Variants in RGPD6 observed in about 807,000 individuals in gnomAD.
The protein encoded by RGPD6 is RANBP2-like and GRIP domain-containing protein 5/6.
chr2:110,593,056 C>A, the RGPD6 span, among the ~76,000 whole-genome samples: 2 of 147,860 alleles, frequency 1.4e-5, 1 homozygote, highest in Non-Finnish European at 2.9e-5. Context: ...AATAGAAAAG[C>A]TAAGATTTAT....
chr2:110,610,717 C>T, the RGPD6 span, among the ~76,000 whole-genome samples: 2 of 144,804 alleles, frequency 1.4e-5, no homozygotes, highest in Non-Finnish European at 3.0e-5. Flanking sequence ...GGACTTACCA[C>T]AGTGACTCGA....
the RGPD6 span, among the ~76,000 whole-genome samples, chr2:110,610,049 G>T: frequency 3.5e-5 from 5 of 143,530 alleles, 1 homozygote; most frequent in African/African-American, 1.4e-4. Context: ...CGGGTGGGGT[G>T]GGGAGGAGGA....
At chr2:110,608,469 ATAAGCT>A in the RGPD6 span, among the ~76,000 whole-genome samples, 1 of 150,332 alleles carries the variant, frequency 6.7e-6, no homozygotes, top group African/African-American at 2.5e-5. Flanking sequence ...TGAACCATCT[ATAAGCT>A]TAAAAGTAAC....
chr2:110,611,039 G>A, the RGPD6 span: 1 of 962,552 alleles, frequency 1.0e-6, no homozygotes. Flanking sequence ...TCGCCGCGCC[G>A]CCGCCGCCAC....
chr2:110,606,934 C>T, the RGPD6 span, among the ~76,000 whole-genome samples: 18 of 151,740 alleles, frequency 1.2e-4, no homozygotes, highest in South Asian at 4.2e-4. Context: ...AATTTCCTCA[C>T]TTGACAATAA....
the RGPD6 span, among the ~76,000 whole-genome samples, chr2:110,603,825 CT>C: frequency 6.8e-6 from 1 of 146,128 alleles, no homozygotes; most frequent in African/African-American, 2.6e-5. Flanking sequence ...TCTATTCCCA[CT>C]TCCCAGCTAA....
At chr2:110,611,047 C>T in the RGPD6 span, 1 of 963,118 alleles carries the variant, frequency 1.0e-6, no homozygotes, top group Non-Finnish European at 1.2e-6. Context: ...CCGCCGCCGC[C>T]ACCGCCCCCG....
At chr2:110,599,939 T>C in the RGPD6 span, among the ~76,000 whole-genome samples, 3 of 142,374 alleles carry the variant, frequency 2.1e-5, no homozygotes, top group Non-Finnish European at 4.7e-5. Context: ...TATGCCATGT[T>C]CTGGGGAAGG....
chr2:110,607,377 T>A, the RGPD6 span, among the ~76,000 whole-genome samples: 2 of 150,220 alleles, frequency 1.3e-5, no homozygotes, highest in Non-Finnish European at 3.0e-5. Flanking sequence ...TTTTCAACTT[T>A]AAGGTATGGC....
At chr2:110,604,254 T>C in the RGPD6 span, among the ~76,000 whole-genome samples, 217 of 131,980 alleles carry the variant, frequency 1.6e-3, 2 homozygotes, top group East Asian at 0.019. Context: ...AATCTGACCT[T>C]ATGCGGCCTT....
At chr2:110,606,963 AC>A in the RGPD6 span, among the ~76,000 whole-genome samples, 3 of 151,760 alleles carry the variant, frequency 2.0e-5, no homozygotes, top group Non-Finnish European at 4.4e-5. Flanking sequence ...TGTACAACCT[AC>A]ACCTTACTCA....
At chr2:110,601,426 G>T in the RGPD6 span, among the ~76,000 whole-genome samples, 1 of 149,214 alleles carries the variant, frequency 6.7e-6, no homozygotes. Flanking sequence ...TTTGGTGTGT[G>T]GTGGGGGGCG....
the RGPD6 span, among the ~76,000 whole-genome samples, chr2:110,596,972 T>C: frequency 1.6e-4 from 3 of 18,472 alleles, no homozygotes; most frequent in Non-Finnish European, 6.8e-4. Flanking sequence ...ATATATATTA[T>C]GTATATATAT....
At chr2:110,592,918 T>C in the RGPD6 span, among the ~76,000 whole-genome samples, 1 of 146,314 alleles carries the variant, frequency 6.8e-6, no homozygotes, top group Non-Finnish European at 1.5e-5. Context: ...GGAAGTATAT[T>C]AAATGGGCTT....
the RGPD6 span, among the ~76,000 whole-genome samples, chr2:110,607,678 T>A: frequency 2.0e-5 from 3 of 147,768 alleles, no homozygotes; most frequent in Non-Finnish European, 4.5e-5. Context: ...TGGAAAATGA[T>A]GTCCATCAAT....
the RGPD6 span, among the ~76,000 whole-genome samples, chr2:110,591,945 G>A: frequency 6.9e-6 from 1 of 145,872 alleles, no homozygotes. Context: ...TTTCTCTGCT[G>A]TACATTGAGG....
chr2:110,593,956 GAAGAA>G, the RGPD6 span, among the ~76,000 whole-genome samples: 1 of 134,224 alleles, frequency 7.5e-6, no homozygotes, highest in African/African-American at 3.2e-5. Flanking sequence ...CATTATCAAA[GAAGAA>G]AATAGGCAAC....
the RGPD6 span, among the ~76,000 whole-genome samples, chr2:110,606,845 T>G: frequency 6.6e-6 from 1 of 151,618 alleles, no homozygotes; most frequent in African/African-American, 2.4e-5. Context: ...CTTTCCATCC[T>G]CCACCCAAGT....
the RGPD6 span, among the ~76,000 whole-genome samples, chr2:110,594,158 A>T: frequency 1.4e-5 from 2 of 148,052 alleles, 1 homozygote; most frequent in African/African-American, 5.2e-5. Context: ...TTAAAGTATT[A>T]ATAGATTAAA....
Sources: gnomAD v4.1 joint callset for allele counts (sites outside exome capture counted in the v4.1 genomes callset) on GRCh38, gnomAD v4.1.1 for gene constraint, MANE v1.5 for transcripts, NCBI Gene and HGNC (gene_info 2026-07-23, HGNC 2026-07-21) for gene names.